The following ZNF564 variants were observed in gnomAD, a reference collection of about 807,000 sequenced individuals.
ZNF564 encodes the protein zinc finger protein 564.
Under a neutral mutation model 10.5 loss-of-function variants are expected in ZNF564, and 5 were observed. The ratio of observed to expected loss-of-function variants is 0.48; its 90% CI spans 0.25 to 1.00. ZNF564 has a LOEUF of 1.00. Among genes scored for constraint, ZNF564 ranks in the 50% least tolerant of loss-of-function variants. The pLI, the probability that ZNF564 is intolerant of heterozygous loss-of-function variation, is 0.16. For missense variants in ZNF564, 603 were observed against 669.7 expected (o/e 0.90, Z 1.10); for synonymous variants, 242 against 218.1 (o/e 1.11, Z -0.97).
intron 1 of ZNF564, 48 bp downstream of exon 1, chr19:12,551,282 C>G (rs1043079889): frequency 2.5e-5 from 40 of 1,592,084 alleles, no homozygotes; most frequent in Non-Finnish European, 2.8e-5. Context: ...CGGCCGGTTC[C>G]CACAAGCCCC....
rs772285933 is a variant in ZNF564, at chr19:12,527,100, G to A, written c.1008C>T (p.Pro336=). Reference sequence around the variant, plus strand: ...TTTTACCACATTTATTACATTCATAGGGTTTCTCCCCAGTATGAGTTCTTT... The same window carrying A: ...TTTTACCACATTTATTACATTCATAAGGTTTCTCCCCAGTATGAGTTCTTT... ...KHERTHTGEK[P]YECNKCGKTF... Residue 336 remains proline (P), a synonymous_variant, in exon 4 of 4, where the codon CCC becomes CCT. Transcript: ENST00000339282. The A allele has an allele frequency of 5.0e-6, 8 of 1,613,954 alleles. No individual in the cohort carries two copies. Among genetic ancestry groups the A allele is most frequent in the Non-Finnish European group, 6.8e-6 (8 of 1,179,940 alleles).
In ZNF564 at chr19:12,527,435, A is replaced by G; in HGVS notation, c.673T>C (p.Tyr225His). The change falls in exon 4 of 4, where the codon TAT becomes CAT. Residue 225 changes from tyrosine (Y) to histidine (H), a missense_variant. Coordinates refer to ENST00000339282, the MANE Select transcript of ZNF564 (RefSeq NM_144976.4). ...GCTTTTGCACATTCCTGACATTCAT[A>G]GGGTTTCTCTCCAGTGTGAGTTCTT... Reference protein sequence around the residue: ...HERTHTGEKPYECQECAKAFI... With the variant: ...HERTHTGEKPHECQECAKAFI... The G allele has an allele frequency of 6.2e-7, 1 of 1,613,840 alleles. No individual in the cohort carries two copies. The highest frequency in any genetic ancestry group is 8.5e-7 in the Non-Finnish European group (1 of 1,179,926).
At chr19:12,529,984 C>CAAAAAAAAAAAAAAAAAAAGAAAAA in intron 1 of ZNF564, 1 of 47,688 alleles carries the variant, frequency 2.1e-5, no homozygotes, top group Non-Finnish European at 5.0e-5. Flanking sequence ...AACTCTGTCT[C>CAAAAAAAAAAAAAAAAAAAGAAAAA]AAAAAAAAAA....
At chr19:12,533,726 C>CAAAAAAAA (rs1568263279) in intron 1 of ZNF564, among the ~76,000 whole-genome samples, 2 of 10,058 alleles carry the variant, frequency 2.0e-4, no homozygotes, top group African/African-American at 9.7e-4. Context: ...GCTGCTGTCT[C>CAAAAAAAA]CAAAAAAAAA....
chr19:12,544,968 G>A (rs185744206), intron 1 of ZNF564, among the ~76,000 whole-genome samples: 2 of 152,272 alleles, frequency 1.3e-5, no homozygotes, highest in East Asian at 3.9e-4. Context: ...CCTAAGAGAT[G>A]AGTGAGGGAG....
chr19:12,540,187 T>C (rs1037474766), intron 1 of ZNF564, among the ~76,000 whole-genome samples: 4 of 152,204 alleles, frequency 2.6e-5, no homozygotes, highest in African/African-American at 9.6e-5. Flanking sequence ...AGAGAATGGA[T>C]GATTTGGCTT....
chr19:12,548,563 G>A (rs2022195911), intron 1 of ZNF564: 1 of 460,358 alleles, frequency 2.2e-6, no homozygotes, highest in African/African-American at 1.9e-5. Context: ...TGTTAGCCAG[G>A]ATGGTCGCGA....
At chr19:12,532,274 A>G (rs923219293) in intron 1 of ZNF564, among the ~76,000 whole-genome samples, 3 of 151,622 alleles carry the variant, frequency 2.0e-5, no homozygotes, top group South Asian at 2.1e-4. Context: ...GGTGGCTCAC[A>G]CCTGTAATCC....
intron 1 of ZNF564, chr19:12,541,630 A>G (rs947683941): frequency 6.6e-6 from 1 of 152,126 alleles, no homozygotes; most frequent in African/African-American, 2.4e-5. Flanking sequence ...GAATATTACC[A>G]TGATATATGC....
At chr19:12,549,169 T>C (rs180742172) in intron 1 of ZNF564, among the ~76,000 whole-genome samples, 2 of 152,330 alleles carry the variant, frequency 1.3e-5, no homozygotes, top group African/African-American at 4.8e-5. Flanking sequence ...CTTTCTCCCC[T>C]TTGTGACCCT....
At chr19:12,532,534 CA>C (rs35579003) in intron 1 of ZNF564, among the ~76,000 whole-genome samples, 2,636 of 39,266 alleles carry the variant, frequency 0.067, 4 homozygotes, top group Middle Eastern at 0.17. Context: ...GACTCCGTCT[CA>C]AAAAAAAAAA....
chr19:12,551,061 A>G (rs1346445319), intron 1 of ZNF564, among the ~76,000 whole-genome samples: 1 of 152,216 alleles, frequency 6.6e-6, no homozygotes, highest in African/African-American at 2.4e-5. Flanking sequence ...ATCTGGAGAG[A>G]GGCGGGGCTG....
At position 12,532,534 on chromosome 19, in the gene ZNF564, C is replaced by CAAAA. The variant is rs35579003; in HGVS notation, c.4-3842_4-3839dup. 2.0e-3 allele frequency among the ~76,000 whole-genome samples: 78 copies of CAAAA among 39,098 alleles called. 3 individuals are homozygous for CAAAA. The highest frequency in any genetic ancestry group is 8.3e-3 in the South Asian group (5 of 602). 25.6% of individuals were successfully genotyped at this position (39,098 alleles called of 152,430 possible). ...TGGGCGACAGAGCGAGACTCCGTCTCAAAAAAAAAAAAAAAAAAAAAAAAA... is the reference window on the plus strand; with the variant it reads ...TGGGCGACAGAGCGAGACTCCGTCTCAAAAAAAAAAAAAAAAAAAAAAAAAAAAA... On this transcript the variant is annotated intron_variant, in intron 1 of 3. Transcript: ENST00000339282.
chr19:12,547,528 GTTA>G (rs1347662890), intron 1 of ZNF564, among the ~76,000 whole-genome samples: 2 of 152,136 alleles, frequency 1.3e-5, no homozygotes, highest in South Asian at 2.1e-4. Flanking sequence ...ATGGTTTACT[GTTA>G]TTATCTGAAC....
chr19:12,547,248 G>A (rs966232523), intron 1 of ZNF564, among the ~76,000 whole-genome samples: 7 of 152,046 alleles, frequency 4.6e-5, no homozygotes, highest in African/African-American at 1.7e-4. Context: ...TAGAGAGATG[G>A]TCTTACTATG....
chr19:12,546,277 A>G (rs1242665002), intron 1 of ZNF564, among the ~76,000 whole-genome samples: 1 of 152,194 alleles, frequency 6.6e-6, no homozygotes, highest in African/African-American at 2.4e-5. Context: ...AATTGCTGAC[A>G]ATGTTGAATT....
intron 1 of ZNF564, among the ~76,000 whole-genome samples, chr19:12,548,537 A>C (rs1381858900): frequency 1.3e-5 from 2 of 152,086 alleles, no homozygotes. Context: ...TTTTTAGTAG[A>C]GACGGGGTTT....
intron 1 of ZNF564, among the ~76,000 whole-genome samples, chr19:12,534,170 CACT>C (rs2021862875): frequency 6.6e-6 from 1 of 152,018 alleles, no homozygotes; most frequent in African/African-American, 2.4e-5. Context: ...CTTCTCTCAC[CACT>C]ACTATTCAAC....
intron 1 of ZNF564, chr19:12,532,820 C>T (rs370415835): frequency 6.6e-6 from 1 of 152,050 alleles, no homozygotes; most frequent in Non-Finnish European, 1.5e-5. Flanking sequence ...ACCTGACAAC[C>T]CTTAGTGTGT....
Sources: gnomAD v4.1 joint callset for allele counts (sites outside exome capture counted in the v4.1 genomes callset) on GRCh38, gnomAD v4.1.1 for gene constraint, MANE v1.5 for transcripts, NCBI Gene and HGNC (gene_info 2026-07-23, HGNC 2026-07-21) for gene names.